FOXM1: variants seen among roughly 807,000 people sequenced by gnomAD.
FOXM1 encodes forkhead box protein M1.
In FOXM1, 25 loss-of-function variants were observed where a neutral mutation model predicts 63.6. That is an observed-to-expected ratio of 0.39 (90% CI 0.29 to 0.55). The LOEUF is 0.55. FOXM1 is among the 20% of genes least tolerant of loss of function. The pLI, the probability that FOXM1 is intolerant of heterozygous loss-of-function variation, is 0.60. For missense variants in FOXM1, 879 were observed against 958.7 expected (o/e 0.92, Z 1.10); for synonymous variants, 387 against 376.9 (o/e 1.03, Z -0.31).
At position 2,872,685 on chromosome 12, in the gene FOXM1, G is replaced by A. The variant is rs1304765853; in HGVS notation, c.503-438C>T. 6.6e-6 allele frequency among the ~76,000 whole-genome samples: 1 copy of A among 152,174 alleles called. No homozygotes were observed. The highest frequency in any genetic ancestry group is 1.5e-5 in the Non-Finnish European group (1 of 68,032). ...CTGCCTTTAGGGACGGAGAACACAT[G>A]CTGAATCTATTGTGGCTCTAAGTTA... On this transcript the variant is annotated intron_variant, in intron 2 of 8. Coordinates refer to ENST00000359843, the MANE Select transcript of FOXM1 (RefSeq NM_021953.4). The surrounding 1 kb of genome is among the most constrained non-coding windows in gnomAD (Gnocchi z 4.0).
Position 2,872,102 on chromosome 12 carries a change from C to G in FOXM1, c.648G>C (p.Gln216His), listed in dbSNP as rs753811875. The G allele has an allele frequency of 1.9e-6, 3 of 1,614,112 alleles. No homozygotes were observed. Among genetic ancestry groups the G allele is most frequent in the African/African-American group, 2.7e-5 (2 of 74,944 alleles). ...EKENCHLEQR[Q>H]VKVEEPSRPS... ...GAGGGACGGAACAATTCACCTTAAC[C>G]TGTCGCTGCTCCAGGTGACAATTCT... is the stretch of plus-strand genomic sequence containing the variant. The change falls in exon 3 of 9, where the codon CAG becomes CAC. Residue 216 changes from glutamine (Q) to histidine (H), a missense_variant. Coordinates refer to ENST00000359843, the MANE Select transcript of FOXM1 (RefSeq NM_021953.4). This position sits in a 1 kb window ranked among gnomAD's most constrained non-coding sequence, Gnocchi z 4.0.
rs1000589659 is a variant in FOXM1, at chr12:2,872,449, A to C, written c.503-202T>G. On this transcript the variant is annotated intron_variant, in intron 2 of 8. Transcript: ENST00000359843. The surrounding 1 kb of genome is among the most constrained non-coding windows in gnomAD (Gnocchi z 4.0). Reference sequence around the variant, plus strand: ...ACATGGTGAAACCTCGTCTCTACTAAAAATACAAAATTAGCTGGGTGTGGT... The same window carrying C: ...ACATGGTGAAACCTCGTCTCTACTACAAATACAAAATTAGCTGGGTGTGGT... Among the ~76,000 whole-genome samples the C allele has an allele frequency of 2.0e-5, 3 of 152,124 alleles. No individual in the cohort carries two copies. Among genetic ancestry groups the C allele is most frequent in the African/African-American group, 7.2e-5 (3 of 41,428 alleles).
intron 8 of FOXM1, among the ~76,000 whole-genome samples, chr12:2,863,413 C>T (rs1170498594): frequency 6.6e-6 from 1 of 152,118 alleles, no homozygotes; most frequent in Non-Finnish European, 1.5e-5. Context: ...TTTTTTGAGA[C>T]AGGGCCTCAC....
chr12:2,873,580 A>ATTTTTT (rs201213340), intron 2 of FOXM1, among the ~76,000 whole-genome samples: 1 of 145,512 alleles, frequency 6.9e-6, no homozygotes. Flanking sequence ...TTCTTTTTTC[A>ATTTTTT]TTTTTATTTT....
intron 6 of FOXM1, 142 bp downstream of exon 6, chr12:2,865,213 C>G (rs769488025): frequency 2.7e-6 from 2 of 728,010 alleles, no homozygotes; most frequent in South Asian, 1.8e-5. Context: ...TCAGGGTGTT[C>G]TGTGTCTAGG....
intron 3 of FOXM1, among the ~76,000 whole-genome samples, chr12:2,869,170 T>C (rs2098128644): frequency 6.6e-6 from 1 of 152,234 alleles, no homozygotes; most frequent in South Asian, 2.1e-4. Context: ...GCATCTCATT[T>C]CAATGTTTGT....
At position 2,868,705 on chromosome 12, in the gene FOXM1, T is replaced by C; in HGVS notation, c.704A>G (p.Glu235Gly). 6.2e-7 allele frequency: 1 copy of C among 1,613,936 alleles called. No individual in the cohort carries two copies. Among genetic ancestry groups the C allele is most frequent in the Non-Finnish European group, 8.5e-7 (1 of 1,179,936 alleles). Residue 235 changes from glutamate to glycine, a missense_variant, in exon 4 of 9, where the codon GAG becomes GGG. By Grantham distance (98) the Glu-to-Gly change is moderately conservative. Around this residue, in one of 4 missense-constraint regions of FOXM1, gnomAD observed 255 missense variants for 292.4 expected, o/e 0.87. Coordinates refer to ENST00000359843, the MANE Select transcript of FOXM1 (RefSeq NM_021953.4). The part of the protein sequence containing the change: ...PSASWQNSVS[E>G]RPPYSYMAMI... ...GGCCATGTAAGAGTAGGGTGGCCGC[T>C]CAGACACAGAGTTCTGCCAGGACGC... is the stretch of plus-strand genomic sequence containing the variant.
chr12:2,874,054 C>T lies in FOXM1; in HGVS notation c.425G>A (p.Gly142Glu), dbSNP rs140520587. ...KRTEVTLETL[G>E]PKPAARDVNL... ...CACATCCCTAGCTGCAGGTTTTGGT[C>T]CCAAGGTCTCCAGGGTCACTTCTGT... Residue 142 changes from glycine (G) to glutamate (E), a missense_variant, in exon 2 of 9, where the codon GGA becomes GAA. Gly to Glu is a moderately conservative substitution (Grantham distance 98, BLOSUM62 -2). This residue lies in a region of FOXM1 where 255 missense variants were observed against 292.4 expected (regional missense o/e 0.87). Transcript: ENST00000359843. The surrounding 1 kb of genome is among the most constrained non-coding windows in gnomAD (Gnocchi z 4.3). The T allele has an allele frequency of 2.6e-4, 422 of 1,614,150 alleles. No homozygotes were observed. Among genetic ancestry groups the T allele is most frequent in the Middle Eastern group, 3.3e-4 (2 of 6,062 alleles).
intron 4 of FOXM1, 24 bp from the exon 5 acceptor site, chr12:2,866,545 G>A (rs2098123486): frequency 6.7e-7 from 1 of 1,497,056 alleles, no homozygotes; most frequent in African/African-American, 1.4e-5. Flanking sequence ...AAGACAACTG[G>A]TTATCAGCTA....
rs529986681 is a variant in FOXM1, at chr12:2,868,507, T to C, written c.846+56A>G. 4 of 1,389,000 alleles carry C rather than the reference T, an allele frequency of 2.9e-6. No individual in the cohort carries two copies. In the South Asian group the frequency reaches 3.9e-5, roughly 14 times the overall value. 86.0% of individuals were successfully genotyped at this position (1,389,000 alleles called of 1,614,324 possible). On this transcript the variant is annotated intron_variant, in intron 4 of 8. Transcript: ENST00000359843. ...CCAGATACAAGTTGCAGTACAGCAC[T>C]GGAGAGACTGTCAGGCTGGGCTGAC...
At chr12:2,868,792 C>G (rs2098128058) in intron 3 of FOXM1, 38 bp from the exon 4 acceptor site, 1 of 1,540,378 alleles carries the variant, frequency 6.5e-7, no homozygotes. Context: ...TGAAAGAGTT[C>G]ATGAGAAGCA....
intron 5 of FOXM1, among the ~76,000 whole-genome samples, chr12:2,865,919 C>G (rs2098122396): frequency 6.6e-6 from 1 of 152,168 alleles, no homozygotes; most frequent in Non-Finnish European, 1.5e-5. Context: ...TCCCAAAGTG[C>G]TGGGATTACA....
chr12:2,861,551 A>G (rs2098113326), intron 8 of FOXM1: 1 of 367,976 alleles, frequency 2.7e-6, no homozygotes, highest in African/African-American at 2.1e-5. Flanking sequence ...ATCTTATCAT[A>G]TATTGCTGGT....
Position 2,874,594 on chromosome 12 carries a change from G to C in FOXM1, c.-47-69C>G. On this transcript the variant is annotated intron_variant, in intron 1 of 8. Transcript: ENST00000359843. This position sits in a 1 kb window ranked among gnomAD's most constrained non-coding sequence, Gnocchi z 4.3. ...CTGAGAAGAGGTCCTTTTAGAGAAA[G>C]GTGCTCCTCTTTATATGACCAGGAA... 9.1e-7 allele frequency: 1 copy of C among 1,098,680 alleles called. No homozygotes were observed. The highest frequency in any genetic ancestry group is 2.4e-5 in the East Asian group (1 of 42,278). The allele number at this position is 1,098,680 out of a possible 1,614,324, so 68.1% of individuals were successfully genotyped here. A position where few individuals can be genotyped will look rare whatever the true frequency, so the allele number is the denominator to read the frequency against.
At chr12:2,860,864 C>CAAA (rs57306758) in intron 8 of FOXM1, among the ~76,000 whole-genome samples, 5,739 of 110,268 alleles carry the variant, frequency 0.052, 433 homozygotes, top group African/African-American at 0.18. Context: ...GACTCCATCT[C>CAAA]AAAAAAAAAA....
chr12:2,870,885 G>A (rs1160247385), intron 3 of FOXM1, among the ~76,000 whole-genome samples: 1 of 149,820 alleles, frequency 6.7e-6, no homozygotes, highest in African/African-American at 2.5e-5. Flanking sequence ...CTTGACCTGG[G>A]AGGTGGAGGT....
chr12:2,859,784 GAATACGATGT>G lies in FOXM1; in HGVS notation c.1267-131_1267-122del. 4.2e-6 allele frequency: 3 copies of G among 722,070 alleles called. No homozygotes were observed. The South Asian group carries it at 5.8e-5, about 14-fold the overall frequency. 44.7% of individuals were successfully genotyped at this position (722,070 alleles called of 1,614,324 possible). ...AAGTCTTAAAATCTATTAAATATGA[GAATACGATGT>G]ATGTTGAAGTTGGTAGTTCAATTCT... is the stretch of plus-strand genomic sequence containing the variant. On this transcript the variant is annotated intron_variant, in intron 8 of 8. Coordinates refer to ENST00000359843, the MANE Select transcript of FOXM1 (RefSeq NM_021953.4).
At chr12:2,865,644 T>C (rs2098121776) in intron 5 of FOXM1, among the ~76,000 whole-genome samples, 1 of 976 alleles carries the variant, frequency 1.0e-3, no homozygotes, top group Non-Finnish European at 2.2e-3. Flanking sequence ...TAAGGCAGGC[T>C]TTTTTTTTTT....
At chr12:2,859,752 C>T (rs1033913859) in intron 8 of FOXM1, 89 bp from the exon 9 acceptor site, 3 of 952,208 alleles carry the variant, frequency 3.2e-6, no homozygotes, top group South Asian at 1.7e-5. Context: ...CTCTTTGTGT[C>T]GTTTTGAAGT....
Sources: allele counts gnomAD v4.1 joint callset (sites outside exome capture counted in the v4.1 genomes callset), GRCh38; gene constraint gnomAD v4.1.1; regional missense constraint gnomAD v4.1.1; non-coding constraint Gnocchi (gnomAD v3.1); transcripts MANE v1.5; gene names NCBI Gene and HGNC (gene_info 2026-07-23, HGNC 2026-07-21).